Variants in DNAH17 observed in about 807,000 individuals in gnomAD.
DNAH17 encodes the protein axonemal beta dynein heavy chain 17.
DNAH17 carries 376 observed loss-of-function variants against 485.6 expected under a neutral mutation model. That is an observed-to-expected ratio of 0.77 (90% CI 0.71 to 0.84). The LOEUF (loss-of-function observed/expected upper bound fraction) is 0.84, where lower values mean the gene tolerates loss of function less well. Among genes scored for constraint, DNAH17 ranks in the 40% least tolerant of loss-of-function variants. The pLI is 0.00. For synonymous variants in DNAH17, 3,031 were observed against 2,405.9 expected (o/e 1.26, Z -7.60); for missense variants, 6,370 against 5,839.3 (o/e 1.09, Z -2.96).
chr17:78,530,831 G>A (rs1356437299), intron 20 of DNAH17, among the ~76,000 whole-genome samples: 1 of 152,128 alleles, frequency 6.6e-6, no homozygotes, highest in Non-Finnish European at 1.5e-5. Flanking sequence ...GCTCCTAAAG[G>A]GCATCCCTAG....
chr17:78,473,579 T>C (rs927472283), intron 54 of DNAH17, among the ~76,000 whole-genome samples: 2 of 144,858 alleles, frequency 1.4e-5, no homozygotes, highest in East Asian at 2.0e-4. Context: ...ATGACAGTGA[T>C]AGCAAAGCTG....
Position 78,459,819 on chromosome 17 carries a change from C to T in DNAH17, c.9618G>A (p.Lys3206=), listed in dbSNP as rs139126719. 113 of 1,614,060 alleles carry T rather than the reference C, an allele frequency of 7.0e-5. No homozygotes were observed. In the African/African-American group the frequency reaches 1.4e-3, roughly 20 times the overall value. Residue 3206 remains lysine (K), a synonymous_variant, in exon 60 of 81, where the codon AAG becomes AAA. Transcript: ENST00000389840. ...TFLDSLKKFD[K]EHIPEACLKA... The stretch of plus-strand genomic sequence containing the variant: ...TCAGGCAGGCCTCAGGGATGTGCTC[C>T]TTGTCGAACTTCTTCAGGGAGTCTA...
intron 2 of DNAH17, among the ~76,000 whole-genome samples, chr17:78,574,489 T>C (rs527649651): frequency 7.4e-5 from 11 of 149,550 alleles, no homozygotes; most frequent in Admixed American, 7.3e-4. Flanking sequence ...GGAAGCAGAG[T>C]GAGACCCTGT....
In DNAH17 at chr17:78,459,055, A is replaced by G. The variant is rs981950597; in HGVS notation, c.9807T>C (p.Asn3269=). 4 of 1,613,874 alleles carry G rather than the reference A, an allele frequency of 2.5e-6. No homozygotes were observed. In the African/African-American group the frequency reaches 4.0e-5, roughly 16 times the overall value. The part of the protein sequence containing the change: ...APKRQALEEA[N]AELAEAQEKL... ...TCTCTTGTGCCTCTGCCAGCTCTGC[A>G]TTAGCCTCCTCCAGTGCCTGCCTCT... Residue 3269 remains asparagine (N), a synonymous_variant, in exon 61 of 81, where the codon AAT becomes AAC. Transcript: ENST00000389840.
chr17:78,453,244 G>C, intron 65 of DNAH17, 99 bp downstream of exon 65: 24 of 1,494,914 alleles, frequency 1.6e-5, no homozygotes, highest in Non-Finnish European at 1.9e-5. Context: ...TACCAGGGAA[G>C]CAAAGGAAAT....
Position 78,458,619 on chromosome 17 carries a change from A to AT in DNAH17, c.9922dup (p.Ile3308AsnfsTer33), listed in dbSNP as rs1186648822. The AT allele has an allele frequency of 6.2e-7, 1 of 1,613,522 alleles. No individual in the cohort carries two copies. The highest frequency in any genetic ancestry group is 8.5e-7 in the Non-Finnish European group (1 of 1,179,812). ...GGCATCGGCCTCTTGCTGACACTTG[A>AT]TTTTCTCAGCTGTTGCTTTTTCAAA... On this transcript the variant is annotated frameshift_variant, in exon 62 of 81. Coordinates refer to ENST00000389840, the MANE Select transcript of DNAH17 (RefSeq NM_173628.4). LOFTEE classifies it high-confidence loss of function.
chr17:78,437,993 G>C, intron 73 of DNAH17, 125 bp from the exon 74 acceptor site: 1 of 692,266 alleles, frequency 1.4e-6, no homozygotes, highest in Non-Finnish European at 2.4e-6. Flanking sequence ...ACACTTGCCT[G>C]GTGCTGGCAC....
intron 75 of DNAH17, among the ~76,000 whole-genome samples, chr17:78,432,891 G>C (rs962323162): frequency 1.6e-5 from 2 of 126,956 alleles, no homozygotes; most frequent in Admixed American, 1.6e-4. Context: ...AGCAGAGCAG[G>C]CTTCAAACGT....
intron 75 of DNAH17, 93 bp from the exon 76 acceptor site, chr17:78,429,393 C>T: frequency 7.2e-7 from 1 of 1,387,744 alleles, no homozygotes; most frequent in Non-Finnish European, 9.8e-7. Flanking sequence ...GCGTGGGAAC[C>T]CAGCCATTGG....
chr17:78,542,789 A>G (rs1367512346), intron 17 of DNAH17, among the ~76,000 whole-genome samples: 2 of 152,150 alleles, frequency 1.3e-5, no homozygotes, highest in African/African-American at 4.8e-5. Flanking sequence ...ACCCATTCAC[A>G]TATGCAGGTA....
chr17:78,549,110 TTC>T (rs1316698115), intron 16 of DNAH17, among the ~76,000 whole-genome samples: 1 of 152,216 alleles, frequency 6.6e-6, no homozygotes, highest in African/African-American at 2.4e-5. Context: ...CACGTCTGTG[TTC>T]TCTCATCTCC....
Position 78,486,034 on chromosome 17 carries a change from G to T in DNAH17, c.7201C>A (p.Pro2401Thr). ...QGTIFDYYID[P>T]DTKKFLPWTD... is the part of the protein sequence containing the mutation. ...CAGGGCAGGAACTTTTTTGTGTCAG[G>T]ATCAATGTAGTAGTCAAAAATCGTT... Residue 2401 changes from proline to threonine, a missense_variant, in exon 46 of 81, where the codon CCT (proline) becomes ACT (threonine). Transcript: ENST00000389840. 1 of 1,613,964 alleles carries T rather than the reference G, an allele frequency of 6.2e-7. No individual in the cohort carries two copies. Among genetic ancestry groups the T allele is most frequent in the Non-Finnish European group, 8.5e-7 (1 of 1,179,884 alleles).
rs988184251 is a variant in DNAH17 at position 78,444,887 on chromosome 17, C to T, written c.11335-90G>A. ...TACAGTTCATTCAAGGAGGAGAGGC[C>T]ATTACCCTCCGAGGAAACCGGGGCT... On this transcript the variant is annotated intron_variant, in intron 70 of 80. Transcript: ENST00000389840. 5 of 1,295,548 alleles carry T rather than the reference C, an allele frequency of 3.9e-6. No homozygotes were observed. The Admixed American group carries it at 1.4e-4, about 37-fold the overall frequency. The allele number at this position is 1,295,548 out of a possible 1,614,324, so 80.3% of individuals were successfully genotyped here.
intron 48 of DNAH17, 124 bp downstream of exon 48, chr17:78,484,744 C>CCCGGCCCG: frequency 2.3e-6 from 1 of 428,268 alleles, no homozygotes; most frequent in Non-Finnish European, 3.7e-6. Context: ...GCAGCACCCC[C>CCCGGCCCG]CCCACCGCCC....
chr17:78,551,715 G>T, intron 15 of DNAH17, 77 bp from the exon 16 acceptor site: 2 of 1,441,308 alleles, frequency 1.4e-6, no homozygotes, highest in African/African-American at 1.4e-5. Context: ...TGTAATCTCA[G>T]CCCTTTGGGA....
chr17:78,545,994 A>C (rs2091752496), intron 16 of DNAH17, among the ~76,000 whole-genome samples: 1 of 151,640 alleles, frequency 6.6e-6, no homozygotes, highest in South Asian at 2.1e-4. Flanking sequence ...TTTTCCTTTG[A>C]AACAGGGTCG....
Position 78,477,915 on chromosome 17 carries a change from TCACCATCAC to T in DNAH17, c.7992+1101_7992+1109del, listed in dbSNP as rs993763419. On this transcript the variant is annotated intron_variant, in intron 51 of 80. Transcript: ENST00000389840. ...CATCACCACCATCATCATTACCACA[TCACCATCAC>T]CACCATCATCACCACCATCACCATT... Among the ~76,000 whole-genome samples, 46 of 145,208 alleles carry T rather than the reference TCACCATCAC, an allele frequency of 3.2e-4. No individual in the cohort carries two copies. The South Asian group carries it at 3.7e-3, about 12-fold the overall frequency.
intron 16 of DNAH17, among the ~76,000 whole-genome samples, chr17:78,545,008 G>A (rs1032124226): frequency 3.3e-5 from 5 of 152,034 alleles, no homozygotes; most frequent in Non-Finnish European, 7.4e-5. Context: ...TCCCCCACTG[G>A]AAACATGAGG....
chr17:78,494,315 G>T, intron 40 of DNAH17, 142 bp from the exon 41 acceptor site: 4 of 1,272,362 alleles, frequency 3.1e-6, no homozygotes, highest in South Asian at 1.5e-5. Context: ...TGCAAGTTCT[G>T]CTGTCAATGC....
Sources: gnomAD v4.1 joint callset for allele counts (sites outside exome capture counted in the v4.1 genomes callset) on GRCh38, gnomAD v4.1.1 for gene constraint, MANE v1.5 for transcripts, NCBI Gene and HGNC (gene_info 2026-07-23, HGNC 2026-07-21) for gene names.